CNTNAP5: variants seen among roughly 807,000 people sequenced by gnomAD.
The protein encoded by CNTNAP5 is contactin-associated protein-like 5.
In CNTNAP5, 72 loss-of-function variants were observed where a neutral mutation model predicts 150.2. The ratio of observed to expected loss-of-function variants is 0.48; its 90% CI spans 0.40 to 0.58. The LOEUF (loss-of-function observed/expected upper bound fraction) is 0.58. Among genes scored for constraint, CNTNAP5 ranks in the 20% least tolerant of loss-of-function variants. The probability of loss-of-function intolerance (pLI) is 0.00; values close to 1 mark genes in which losing one functional copy is unlikely to be tolerated. For missense variants in CNTNAP5, 1,636 were observed against 1,626.2 expected (o/e 1.01, Z -0.10); for synonymous variants, 672 against 619.8 (o/e 1.08, Z -1.25).
At chr2:124,468,148 T>C (rs1410430378) in intron 6 of CNTNAP5, among the ~76,000 whole-genome samples, 1 of 152,230 alleles carries the variant, frequency 6.6e-6, no homozygotes, top group African/African-American at 2.4e-5. Context: ...CAGGGTTCTC[T>C]AGAGGGACAG....
chr2:124,914,304 C>T lies in CNTNAP5; in HGVS notation c.*16C>T. The T allele has an allele frequency of 1.3e-6, 2 of 1,577,946 alleles. No homozygotes were observed. Among genetic ancestry groups the T allele is most frequent in the Non-Finnish European group, 1.7e-6 (2 of 1,151,034 alleles). ...TTTCATCTGAGAAACTGCAGGGTTC[C>T]TACTACTCTTTTTTCTTGTTGTTCA... On this transcript the variant is annotated 3_prime_UTR_variant, in exon 24 of 24. Coordinates refer to ENST00000682447, the MANE Select transcript of CNTNAP5 (RefSeq NM_001367498.1).
At chr2:124,781,308 C>T (rs574381424) in intron 17 of CNTNAP5, among the ~76,000 whole-genome samples, 1 of 152,274 alleles carries the variant, frequency 6.6e-6, no homozygotes, top group East Asian at 1.9e-4. Context: ...GGTATGTACT[C>T]AAGGCGGTAT....
intron 11 of CNTNAP5, among the ~76,000 whole-genome samples, chr2:124,606,524 G>T (rs1038595849): frequency 6.7e-6 from 1 of 148,932 alleles, no homozygotes; most frequent in Non-Finnish European, 1.5e-5. Flanking sequence ...GATGAAAATT[G>T]AAAAAAAAAA....
intron 13 of CNTNAP5, among the ~76,000 whole-genome samples, chr2:124,664,878 G>A (rs1678665738): frequency 6.6e-6 from 1 of 152,142 alleles, no homozygotes; most frequent in African/African-American, 2.4e-5. Flanking sequence ...GTAGAGATGG[G>A]GTTTCACCAT....
intron 2 of CNTNAP5, among the ~76,000 whole-genome samples, chr2:124,234,160 C>T (rs1686690566): frequency 6.6e-6 from 1 of 152,022 alleles, no homozygotes; most frequent in Non-Finnish European, 1.5e-5. Flanking sequence ...TTTTACCTTG[C>T]TGCTGAATCT....
chr2:124,769,979 A>G (rs1681155432), intron 16 of CNTNAP5, among the ~76,000 whole-genome samples: 1 of 152,130 alleles, frequency 6.6e-6, no homozygotes, highest in Non-Finnish European at 1.5e-5. Context: ...AATATTAACT[A>G]TTTTTATTGA....
chr2:124,172,548 G>A (rs991345088), intron 1 of CNTNAP5, among the ~76,000 whole-genome samples: 6 of 152,122 alleles, frequency 3.9e-5, no homozygotes, highest in African/African-American at 1.4e-4. Flanking sequence ...CAGTAGCTGG[G>A]TCTGCAGGCA....
At position 124,209,911 on chromosome 2, in the gene CNTNAP5, T is replaced by C. The variant is rs938209475; in HGVS notation, c.83-11794T>C. On this transcript the variant is annotated intron_variant, in intron 1 of 23. Transcript: ENST00000682447. ...AGTGCATTGTTGATGAGTGAGCAAG[T>C]GGAAGGTGATGTGCGGGCATTCAAG... is the stretch of plus-strand genomic sequence containing the variant. Among the ~76,000 whole-genome samples, 4 of 152,284 alleles carry C rather than the reference T, an allele frequency of 2.6e-5. No individual in the cohort carries two copies. The South Asian group carries it at 8.3e-4, about 32-fold the overall frequency.
At chr2:124,274,198 C>A (rs1687828399) in intron 3 of CNTNAP5, among the ~76,000 whole-genome samples, 1 of 152,162 alleles carries the variant, frequency 6.6e-6, no homozygotes, top group Non-Finnish European at 1.5e-5. Context: ...ACCAAGAGCA[C>A]ACCTTAATTT....
rs190630431 is a variant in CNTNAP5 at position 124,387,233 on chromosome 2, C to A, written c.382-30210C>A. 2.3e-3 allele frequency among the ~76,000 whole-genome samples: 355 copies of A among 152,354 alleles called. 3 individuals carry two copies. Among genetic ancestry groups the A allele is most frequent in the East Asian group, 2.1e-3 (11 of 5,180 alleles). ...GTACAGAGTCCGACTAGAATGTCAT[C>A]TTTTCTGCTGGGGATAGCAAAGCCA... On this transcript the variant is annotated intron_variant, in intron 3 of 23. Coordinates refer to ENST00000682447, the MANE Select transcript of CNTNAP5 (RefSeq NM_001367498.1).
intron 1 of CNTNAP5, among the ~76,000 whole-genome samples, chr2:124,188,634 G>A (rs1330137202): frequency 2.7e-5 from 4 of 148,524 alleles, no homozygotes; most frequent in Non-Finnish European, 4.5e-5. Context: ...CAGGAGAATG[G>A]CGTGAACCCA....
intron 6 of CNTNAP5, among the ~76,000 whole-genome samples, chr2:124,451,029 T>TAAAAAAAAAAA (rs1156744323): frequency 2.0e-4 from 4 of 20,060 alleles, no homozygotes; most frequent in African/African-American, 4.0e-4. Flanking sequence ...CCATGTCTCT[T>TAAAAAAAAAAA]AAAAAAAAAA....
chr2:124,259,138 G>A (rs1294960806), intron 3 of CNTNAP5, among the ~76,000 whole-genome samples: 6 of 151,872 alleles, frequency 4.0e-5, no homozygotes, highest in Non-Finnish European at 8.8e-5. Flanking sequence ...ATAGTGTGCT[G>A]AGAATGATAG....
chr2:124,554,648 C>G (rs559956645), intron 10 of CNTNAP5, among the ~76,000 whole-genome samples: 1 of 152,038 alleles, frequency 6.6e-6, no homozygotes, highest in Non-Finnish European at 1.5e-5. Context: ...TCTTGAACAC[C>G]TGACCTCAAG....
chr2:124,439,393 T>A (rs1692619426), intron 5 of CNTNAP5, among the ~76,000 whole-genome samples: 2 of 152,220 alleles, frequency 1.3e-5, no homozygotes, highest in South Asian at 4.1e-4. Flanking sequence ...TTATTTCTAC[T>A]TACTTTTTAG....
Position 124,920,989 on chromosome 2 carries a change from T to C in CNTNAP5, c.*6701T>C, listed in dbSNP as rs577561538. Among the ~76,000 whole-genome samples the C allele has an allele frequency of 6.6e-6, 1 of 152,262 alleles. No individual in the cohort carries two copies. The highest frequency in any genetic ancestry group is 2.1e-4 in the South Asian group (1 of 4,824). On this transcript the variant is annotated 3_prime_UTR_variant, in exon 24 of 24. Coordinates refer to ENST00000682447, the MANE Select transcript of CNTNAP5 (RefSeq NM_001367498.1). Reference sequence around the variant, plus strand: ...AAATGCTGGAGTCTACCTTTTCCTTTTTATCTTCTGATTTTTGTTCCTAAA... The same window carrying C: ...AAATGCTGGAGTCTACCTTTTCCTTCTTATCTTCTGATTTTTGTTCCTAAA...
At chr2:124,556,955 CA>C (rs1695769917) in intron 10 of CNTNAP5, among the ~76,000 whole-genome samples, 3 of 150,646 alleles carry the variant, frequency 2.0e-5, no homozygotes, top group Admixed American at 1.3e-4. Context: ...GAAAATCTAT[CA>C]AAATTGTACA....
chr2:124,651,756 T>G (rs930888259), intron 13 of CNTNAP5, among the ~76,000 whole-genome samples: 3 of 152,214 alleles, frequency 2.0e-5, no homozygotes, highest in Admixed American at 2.0e-4. Flanking sequence ...CACCAAGCAC[T>G]GTCTCTGTGA....
intron 13 of CNTNAP5, among the ~76,000 whole-genome samples, chr2:124,675,178 C>A (rs1405505451): frequency 6.6e-6 from 1 of 151,880 alleles, no homozygotes; most frequent in East Asian, 1.9e-4. Flanking sequence ...TGATGATTTT[C>A]TCTTATTATT....
Sources: allele counts gnomAD v4.1 joint callset (sites outside exome capture counted in the v4.1 genomes callset), GRCh38; gene constraint gnomAD v4.1.1; transcripts MANE v1.5; gene names NCBI Gene and HGNC (gene_info 2026-07-23, HGNC 2026-07-21).